SIK3: variants seen among roughly 807,000 people sequenced by gnomAD.
SIK3 encodes SIK family kinase 3, also known as serine/threonine-protein kinase SIK3.
SIK3 carries 28 observed loss-of-function variants against 144.2 expected under a neutral mutation model. The ratio of observed to expected loss-of-function variants is 0.19; its 90% CI spans 0.14 to 0.27. The LOEUF (loss-of-function observed/expected upper bound fraction) is 0.27, where lower values mean the gene tolerates loss of function less well. Among genes scored for constraint, SIK3 ranks in the 10% least tolerant of loss-of-function variants. SIK3 has a pLI of 1.00. For synonymous variants in SIK3, 686 were observed against 676.3 expected (o/e 1.01, Z -0.22); for missense variants, 1,319 against 1,776.0 (o/e 0.74, Z 4.62).
chr11:116,954,188 T>C (rs1949055510), intron 2 of SIK3, 81 bp from the exon 3 acceptor site: 1 of 1,105,560 alleles, frequency 9.0e-7, no homozygotes, highest in Non-Finnish European at 1.4e-6. Context: ...ACTCCTCTTT[T>C]CTCATTTGAA....
At chr11:117,031,585 G>A (rs1738980479) in intron 1 of SIK3, among the ~76,000 whole-genome samples, 1 of 150,264 alleles carries the variant, frequency 6.7e-6, no homozygotes, top group African/African-American at 2.5e-5. Context: ...GCAATGGCGC[G>A]ATCTTGGCTC....
chr11:116,971,959 G>A (rs1278773337), intron 1 of SIK3, among the ~76,000 whole-genome samples: 3 of 151,838 alleles, frequency 2.0e-5, no homozygotes, highest in Non-Finnish European at 4.4e-5. Context: ...GTGGTGGCAC[G>A]CGCCTGTAAT....
chr11:116,988,400 A>G (rs1950394260), intron 1 of SIK3, among the ~76,000 whole-genome samples: 2 of 152,178 alleles, frequency 1.3e-5, no homozygotes, highest in Admixed American at 1.3e-4. Context: ...AAAAAGAAAA[A>G]AAGAAAAATG....
chr11:116,955,742 C>T (rs962769834), intron 2 of SIK3, among the ~76,000 whole-genome samples: 4 of 152,156 alleles, frequency 2.6e-5, no homozygotes, highest in African/African-American at 4.8e-5. Flanking sequence ...CACCAGGAAG[C>T]TTTCATAAGT....
chr11:117,001,859 G>A (rs1950864518), intron 1 of SIK3, among the ~76,000 whole-genome samples: 1 of 152,092 alleles, frequency 6.6e-6, no homozygotes, highest in South Asian at 2.1e-4. Flanking sequence ...CTTCTACATT[G>A]TCACATGAAT....
chr11:117,065,691 A>G (rs1426338678), intron 1 of SIK3, among the ~76,000 whole-genome samples: 1 of 150,784 alleles, frequency 6.6e-6, no homozygotes, highest in African/African-American at 2.4e-5. Context: ...GTGTAGTGGC[A>G]CGATCTCAGC....
chr11:116,981,805 G>C (rs1565523797), intron 1 of SIK3, among the ~76,000 whole-genome samples: 1 of 152,138 alleles, frequency 6.6e-6, no homozygotes, highest in Non-Finnish European at 1.5e-5. Flanking sequence ...TTGAGCCTAG[G>C]AGTTCAACAC....
In SIK3 at chr11:116,895,185, C is replaced by T. The variant is rs139394774; in HGVS notation, c.865+1068G>A. On this transcript the variant is annotated intron_variant, in intron 6 of 24. Coordinates refer to ENST00000445177, the MANE Select transcript of SIK3 (RefSeq NM_001366686.3). ...TCTCACCGCTCCTTCCTTCCAGGCA[C>T]GCAGGCCTCCTTCCCGTTCCTTCAC... Among the ~76,000 whole-genome samples the T allele has an allele frequency of 6.8e-3, 1,036 of 152,248 alleles. 11 individuals carry two copies. Among genetic ancestry groups the T allele is most frequent in the African/African-American group, 0.023 (961 of 41,512 alleles).
chr11:116,891,458 G>C (rs898111495), intron 6 of SIK3, among the ~76,000 whole-genome samples: 5 of 152,204 alleles, frequency 3.3e-5, no homozygotes, highest in African/African-American at 4.8e-5. Flanking sequence ...TCTAAATCAA[G>C]CAAACAAAGC....
intron 6 of SIK3, among the ~76,000 whole-genome samples, chr11:116,883,093 G>T (rs890304052): frequency 2.6e-5 from 4 of 152,138 alleles, no homozygotes; most frequent in Non-Finnish European, 1.5e-5. Flanking sequence ...ACCAGCCCTG[G>T]GGGAGAAGTG....
At chr11:116,996,574 C>T (rs930017474) in intron 1 of SIK3, among the ~76,000 whole-genome samples, 5 of 152,000 alleles carry the variant, frequency 3.3e-5, no homozygotes, top group African/African-American at 9.7e-5. Flanking sequence ...AATCCCAACA[C>T]TTGGGGAGCC....
At chr11:117,027,385 A>T (rs1952055566) in intron 1 of SIK3, among the ~76,000 whole-genome samples, 1 of 152,180 alleles carries the variant, frequency 6.6e-6, no homozygotes, top group South Asian at 2.1e-4. Flanking sequence ...TTCACATCCT[A>T]GACCATAAGC....
At chr11:116,944,251 T>C (rs368340404) in intron 3 of SIK3, among the ~76,000 whole-genome samples, 2 of 152,202 alleles carry the variant, frequency 1.3e-5, no homozygotes, top group African/African-American at 4.8e-5. Context: ...CTCTGGGTTC[T>C]TGGAATGTTA....
rs1949563859 is a variant in SIK3 at position 116,966,784 on chromosome 11, G to A, written c.274-9720C>T. 2.1e-5 allele frequency among the ~76,000 whole-genome samples: 3 copies of A among 142,718 alleles called. No homozygotes were observed. The Admixed American group carries it at 2.1e-4, about 10-fold the overall frequency. The allele number at this position is 142,718 out of a possible 152,430, so 93.6% of individuals were successfully genotyped here. A position where few individuals can be genotyped will look rare whatever the true frequency, so the allele number is the denominator to read the frequency against. On this transcript the variant is annotated intron_variant, in intron 1 of 24. Transcript: ENST00000445177. ...GGAGGCCGAGGTGGGCGGACTGCCT[G>A]GGGTCAGGAGTTTGAGATCAGTCTG...
chr11:117,044,955 C>T (rs534421937), intron 1 of SIK3, among the ~76,000 whole-genome samples: 11 of 152,254 alleles, frequency 7.2e-5, no homozygotes, highest in African/African-American at 2.4e-4. Context: ...ATAACATCGG[C>T]AAATCAGCCA....
chr11:117,019,891 C>T (rs117791796), intron 1 of SIK3, among the ~76,000 whole-genome samples: 1,851 of 150,364 alleles, frequency 0.012, 24 homozygotes, highest in Non-Finnish European at 0.017. Flanking sequence ...AGAGAGACTC[C>T]GTTTAAAAAA....
In SIK3 at chr11:116,846,462, A is replaced by T. The variant is rs139162743; in HGVS notation, c.4044T>A (p.Ile1348=). ...LNSSCYPSTC[I]TDILLSYKHP... The stretch of plus-strand genomic sequence containing the variant: ...GCTTGTAGCTGAGCAGAATGTCTGT[A>T]ATACACGTAGATGGATAGCAAGAGG... The change falls in exon 24 of 25, where the codon ATT becomes ATA. Residue 1348 remains isoleucine (I), a synonymous_variant. Coordinates refer to ENST00000445177, the MANE Select transcript of SIK3 (RefSeq NM_001366686.3). This position sits in a 1 kb window ranked among gnomAD's most constrained non-coding sequence, Gnocchi z 4.1. 25 of 1,614,098 alleles carry T rather than the reference A, an allele frequency of 1.5e-5. No individual in the cohort carries two copies. Among genetic ancestry groups the T allele is most frequent in the African/African-American group, 4.0e-5 (3 of 74,924 alleles).
intron 21 of SIK3, among the ~76,000 whole-genome samples, chr11:116,856,061 G>A (rs1276654281): frequency 6.6e-6 from 1 of 152,064 alleles, no homozygotes. Flanking sequence ...GCCGGGCGTG[G>A]TGGCGGGCAC....
chr11:116,904,418 A>G (rs984595488), intron 4 of SIK3, among the ~76,000 whole-genome samples: 1 of 152,232 alleles, frequency 6.6e-6, no homozygotes, highest in African/African-American at 2.4e-5. Context: ...TACAGCTTCA[A>G]ATGACAGAAT....
Sources: gnomAD v4.1 joint callset for allele counts (sites outside exome capture counted in the v4.1 genomes callset) on GRCh38, gnomAD v4.1.1 for gene constraint, Gnocchi (gnomAD v3.1) non-coding constraint, MANE v1.5 for transcripts, NCBI Gene and HGNC (gene_info 2026-07-23, HGNC 2026-07-21) for gene names.